The following CARM1 variants were observed in gnomAD, a reference collection of about 807,000 sequenced individuals.
The protein encoded by CARM1 is coactivator associated arginine methyltransferase 1, also known as histone-arginine methyltransferase CARM1.
Under a neutral mutation model 72.7 loss-of-function variants are expected in CARM1, and 14 were observed. The ratio of observed to expected loss-of-function variants is 0.19; its 90% CI spans 0.13 to 0.30. The LOEUF is 0.30. Among genes scored for constraint, CARM1 ranks in the 10% least tolerant of loss-of-function variants. The pLI is 1.00. For synonymous variants in CARM1, 333 were observed against 345.5 expected (o/e 0.96, Z 0.40); for missense variants, 432 against 833.7 (o/e 0.52, Z 5.93).
rs769280912 is a variant in CARM1 at position 10,920,864 on chromosome 19, C to T, written c.1455C>T (p.Pro485=). 1.2e-5 allele frequency: 20 copies of T among 1,614,118 alleles called. No homozygotes were observed. Among genetic ancestry groups the T allele is most frequent in the South Asian group, 8.8e-5 (8 of 91,090 alleles). ...RYTGTTPSPP[P]GSHYTSPSEN... is the part of the protein sequence containing the mutation. ...CGGGCACAACGCCCTCACCCCCACC[C>T]GGCTCCCACTACACATCTCCCTCGG... Residue 485 remains proline, a synonymous_variant, in exon 13 of 16, where the codon CCC becomes CCT. Coordinates refer to ENST00000327064, the MANE Select transcript of CARM1 (RefSeq NM_199141.2). This position sits in a 1 kb window ranked among gnomAD's most constrained non-coding sequence, Gnocchi z 5.3.
intron 13 of CARM1, 44 bp from the exon 14 acceptor site, chr19:10,921,006 G>A (rs2074240422): frequency 6.2e-7 from 1 of 1,612,458 alleles, no homozygotes; most frequent in Non-Finnish European, 8.5e-7. Flanking sequence ...CCGCAGGCCT[G>A]GCCCCTCTGC....
Position 10,921,370 on chromosome 19 carries a change from C to T in CARM1, c.1616-5C>T, listed in dbSNP as rs373484974. 2.3e-4 allele frequency: 376 copies of T among 1,610,874 alleles called. No homozygotes were observed. The highest frequency in any genetic ancestry group is 2.9e-4 in the Admixed American group (17 of 58,648). ...CTTCCTTCTTTCCTCCCTCTCGCTG[C>T]GCAGCCAACACGGGGATTGTCAATC... is the stretch of plus-strand genomic sequence containing the variant. On this transcript the variant is annotated splice_region_variant and splice_polypyrimidine_tract_variant and intron_variant, in intron 14 of 15. Coordinates refer to ENST00000327064, the MANE Select transcript of CARM1 (RefSeq NM_199141.2).
At chr19:10,882,479 T>C (rs369714522) in intron 1 of CARM1, among the ~76,000 whole-genome samples, 26 of 151,248 alleles carry the variant, frequency 1.7e-4, no homozygotes, top group African/African-American at 6.1e-4. Flanking sequence ...GGCTGGACTG[T>C]ATACAGAGCC....
At chr19:10,914,463 G>A (rs1474151176) in intron 6 of CARM1, among the ~76,000 whole-genome samples, 1 of 152,224 alleles carries the variant, frequency 6.6e-6, no homozygotes, top group Non-Finnish European at 1.5e-5. Context: ...GTGTGGGTGC[G>A]AGTGTACGTG....
intron 1 of CARM1, among the ~76,000 whole-genome samples, chr19:10,873,761 T>A (rs2073840269): frequency 7.0e-6 from 1 of 142,302 alleles, no homozygotes; most frequent in South Asian, 2.5e-4. Flanking sequence ...TGCCTCAGCC[T>A]CCCGAGTAGC....
At chr19:10,882,352 C>A (rs577787286) in intron 1 of CARM1, among the ~76,000 whole-genome samples, 3 of 152,108 alleles carry the variant, frequency 2.0e-5, no homozygotes, top group East Asian at 3.9e-4. Context: ...GCTTTCCTGG[C>A]GGGGCGATCA....
chr19:10,916,815 T>G lies in CARM1; in HGVS notation c.1020+38T>G. The G allele has an allele frequency of 3.6e-6, 5 of 1,408,226 alleles. No homozygotes were observed. Among genetic ancestry groups the G allele is most frequent in the Non-Finnish European group, 3.9e-6 (4 of 1,019,230 alleles). 87.2% of individuals were successfully genotyped at this position (1,408,226 alleles called of 1,614,324 possible). A position where few individuals can be genotyped will look rare whatever the true frequency, so the allele number is the denominator to read the frequency against. On this transcript the variant is annotated intron_variant, in intron 8 of 15. Coordinates refer to ENST00000327064, the MANE Select transcript of CARM1 (RefSeq NM_199141.2). The surrounding 1 kb of genome is among the most constrained non-coding windows in gnomAD (Gnocchi z 4.4). ...TCCAGGGTACTGCTGCAGTGATCAC[T>G]TGCCATTGCTGTGCAGCTGTGCAGC...
At chr19:10,898,946 A>G (rs1204269684) in intron 1 of CARM1, among the ~76,000 whole-genome samples, 1 of 152,006 alleles carries the variant, frequency 6.6e-6, no homozygotes, top group African/African-American at 2.4e-5. Context: ...GGGAGGGGCC[A>G]AGACGGGGAG....
intron 1 of CARM1, among the ~76,000 whole-genome samples, chr19:10,897,507 C>G (rs1788922145): frequency 6.6e-6 from 1 of 152,134 alleles, no homozygotes; most frequent in African/African-American, 2.4e-5. Flanking sequence ...CAGTTCCAGC[C>G]CCTCCTCCCT....
In CARM1 at chr19:10,912,603, C is replaced by A. The variant is rs1031833762; in HGVS notation, c.669+309C>A. Among the ~76,000 whole-genome samples the A allele has an allele frequency of 2.0e-5, 3 of 151,928 alleles. No individual in the cohort carries two copies. The highest frequency in any genetic ancestry group is 2.4e-5 in the African/African-American group (1 of 41,346). On this transcript the variant is annotated intron_variant, in intron 5 of 15. Coordinates refer to ENST00000327064, the MANE Select transcript of CARM1 (RefSeq NM_199141.2). The surrounding 1 kb of genome is among the most constrained non-coding windows in gnomAD (Gnocchi z 4.5). ...AAGAGCAGACAGCGTGCTCTCCTTC[C>A]CCACCCCAGCTCCCACCCCCAGCCC... is the stretch of plus-strand genomic sequence containing the variant.
intron 1 of CARM1, among the ~76,000 whole-genome samples, chr19:10,876,132 G>C (rs1406455906): frequency 6.6e-6 from 1 of 151,980 alleles, no homozygotes; most frequent in Admixed American, 6.6e-5. Flanking sequence ...GCCCACCTTG[G>C]CCTCCTAAAG....
chr19:10,921,471 G>T (rs762466763), intron 15 of CARM1, 28 bp downstream of exon 15: 2 of 1,591,214 alleles, frequency 1.3e-6, no homozygotes, highest in East Asian at 2.2e-5. Context: ...GGCAGGGCCC[G>T]TGGGGGCCGA....
At chr19:10,909,486 A>G (rs897685659) in intron 4 of CARM1, among the ~76,000 whole-genome samples, 1 of 152,010 alleles carries the variant, frequency 6.6e-6, no homozygotes, top group Admixed American at 6.5e-5. Flanking sequence ...CTGTAATCCC[A>G]GCACTTTGGG....
In CARM1 at chr19:10,909,089, T is replaced by C. The variant is rs757268371; in HGVS notation, c.454-14T>C. 6.2e-7 allele frequency: 1 copy of C among 1,603,012 alleles called. No individual in the cohort carries two copies. The highest frequency in any genetic ancestry group is 8.5e-7 in the Non-Finnish European group (1 of 1,170,356). Reference sequence around the variant, plus strand: ...CACCATGTGCCCCGTGCCATCGGTATGTCTCTGTTCCAGTTTTATGGCTAC... The same window carrying C: ...CACCATGTGCCCCGTGCCATCGGTACGTCTCTGTTCCAGTTTTATGGCTAC... On this transcript the variant is annotated splice_polypyrimidine_tract_variant and intron_variant, in intron 3 of 15. Transcript: ENST00000327064.
intron 1 of CARM1, among the ~76,000 whole-genome samples, chr19:10,882,285 G>A (rs2073907601): frequency 1.3e-5 from 2 of 152,190 alleles, no homozygotes; most frequent in Admixed American, 1.3e-4. Flanking sequence ...GGGGGGATGG[G>A]GAGGCAAGGG....
intron 4 of CARM1, among the ~76,000 whole-genome samples, chr19:10,911,977 C>T (rs1022241444): frequency 4.6e-5 from 7 of 152,222 alleles, no homozygotes; most frequent in African/African-American, 1.4e-4. Context: ...TGGGGCCGAG[C>T]GGGAGCTTCC....
chr19:10,919,745 C>T, intron 9 of CARM1, 65 bp downstream of exon 9: 1 of 1,532,536 alleles, frequency 6.5e-7, no homozygotes, highest in South Asian at 1.1e-5. Context: ...CCACCCCTGG[C>T]TCCCGCCGGC....
At chr19:10,882,231 T>C (rs1028386550) in intron 1 of CARM1, among the ~76,000 whole-genome samples, 1 of 152,156 alleles carries the variant, frequency 6.6e-6, no homozygotes, top group Non-Finnish European at 1.5e-5. Context: ...AGACCTCCTC[T>C]GGGAATGAAC....
chr19:10,906,429 C>T (rs1166321654), intron 2 of CARM1, among the ~76,000 whole-genome samples: 1 of 152,240 alleles, frequency 6.6e-6, no homozygotes, highest in East Asian at 1.9e-4. Context: ...TACCGCCCAT[C>T]TCCAGAACTT....
Sources: allele counts gnomAD v4.1 joint callset (sites outside exome capture counted in the v4.1 genomes callset), GRCh38; gene constraint gnomAD v4.1.1; non-coding constraint Gnocchi (gnomAD v3.1); transcripts MANE v1.5; gene names NCBI Gene and HGNC (gene_info 2026-07-23, HGNC 2026-07-21).